The following NAPG variants were observed in gnomAD, a reference collection of about 807,000 sequenced individuals.
NAPG encodes NSF attachment protein gamma, also known as gamma-soluble NSF attachment protein.
In NAPG, 25 loss-of-function variants were observed where a neutral mutation model predicts 48.4. The ratio of observed to expected loss-of-function variants is 0.52; its 90% confidence interval spans 0.38 to 0.72. The LOEUF (loss-of-function observed/expected upper bound fraction) is 0.72. Ranked by LOEUF, NAPG falls within the 30% of genes least tolerant of loss-of-function variation. The probability of loss-of-function intolerance (pLI) is 0.00; values close to 1 mark genes in which losing one functional copy is unlikely to be tolerated. For synonymous variants in NAPG, 139 were observed against 127.2 expected (o/e 1.09, Z -0.62); for missense variants, 359 against 372.5 (o/e 0.96, Z 0.30).
chr18:10,530,308 T>A (rs2031904152), intron 1 of NAPG, among the ~76,000 whole-genome samples: 1 of 150,332 alleles, frequency 6.7e-6, no homozygotes, highest in African/African-American at 2.4e-5. Flanking sequence ...TGATCTCATC[T>A]ATGCTCTTGA....
In NAPG at chr18:10,539,109, A is replaced by G. The variant is rs916213198; in HGVS notation, c.259-653A>G. 3 of 152,278 alleles carry G rather than the reference A, an allele frequency of 2.0e-5. No homozygotes were observed. The highest frequency in any genetic ancestry group is 7.2e-5 in the African/African-American group (3 of 41,470). 9.4% of individuals were successfully genotyped at this position (152,278 alleles called of 1,614,324 possible). A position where few individuals can be genotyped will look rare whatever the true frequency, so the allele number is the denominator to read the frequency against. On this transcript the variant is annotated intron_variant, in intron 5 of 11. Transcript: ENST00000322897. The surrounding 1 kb of genome is among the most constrained non-coding windows in gnomAD (Gnocchi z 4.7). Reference sequence around the variant, plus strand: ...CAGTGTGGGGATTCCTCAAGGATCTAGAACCAGAAATACCATTTGACCCAG... The same window carrying G: ...CAGTGTGGGGATTCCTCAAGGATCTGGAACCAGAAATACCATTTGACCCAG...
Position 10,543,599 on chromosome 18 carries a change from A to G in NAPG, c.507-2727A>G, listed in dbSNP as rs2032201785. Among the ~76,000 whole-genome samples, 1 of 152,242 alleles carries G rather than the reference A, an allele frequency of 6.6e-6. No individual in the cohort carries two copies. Among genetic ancestry groups the G allele is most frequent in the East Asian group, 1.9e-4 (1 of 5,206 alleles). On this transcript the variant is annotated intron_variant, in intron 8 of 11. Coordinates refer to ENST00000322897, the MANE Select transcript of NAPG (RefSeq NM_003826.3). This position sits in a 1 kb window ranked among gnomAD's most constrained non-coding sequence, Gnocchi z 4.4. ...AGAGGAACAGTTTGAGTTGTGGTGT[A>G]GAAGGTGTCTGTTGAAAGCTTGGGG...
chr18:10,533,005 C>T, intron 3 of NAPG: 1 of 454,472 alleles, frequency 2.2e-6, no homozygotes, highest in Non-Finnish European at 3.9e-6. Flanking sequence ...AGCTACAATA[C>T]TTACTTTCTA....
In NAPG at chr18:10,549,026, A is replaced by G; in HGVS notation, c.725A>G (p.Tyr242Cys). Residue 242 changes from tyrosine to cysteine, a missense_variant, in exon 11 of 12, where the codon TAT becomes TGT. By Grantham distance (194) the Tyr-to-Cys change is radical (BLOSUM62 -2). Transcript: ENST00000322897. ...CAALEQLLEG[Y>C]DQQDQDQVSD... is the part of the protein sequence containing the mutation. Reference sequence around the variant, plus strand: ...GCCCTGGAACAGCTTCTTGAAGGTTATGACCAGCAAGACCAAGATCAGGTG... The same window carrying G: ...GCCCTGGAACAGCTTCTTGAAGGTTGTGACCAGCAAGACCAAGATCAGGTG... The G allele has an allele frequency of 1.2e-6, 2 of 1,613,980 alleles. No individual in the cohort carries two copies. Among genetic ancestry groups the G allele is most frequent in the South Asian group, 2.2e-5 (2 of 91,082 alleles).
intron 5 of NAPG, among the ~76,000 whole-genome samples, chr18:10,537,471 TGAGGAGGAGGAA>T (rs1304787933): frequency 3.9e-5 from 6 of 152,114 alleles, no homozygotes; most frequent in Non-Finnish European, 7.4e-5. Flanking sequence ...ACGTTTGGGC[TGAGGAGGAGGAA>T]GAGGAGGAGG....
rs899851487 is a variant in NAPG at position 10,542,454 on chromosome 18, A to G, written c.506+2055A>G. On this transcript the variant is annotated intron_variant, in intron 8 of 11. Transcript: ENST00000322897. The surrounding 1 kb of genome is among the most constrained non-coding windows in gnomAD (Gnocchi z 4.5). ...TGGTACTTCTATTGGGAACTTAAAT[A>G]GTGCAGGATAAGAAAAAACATGCAG... Among the ~76,000 whole-genome samples, 4 of 152,216 alleles carry G rather than the reference A, an allele frequency of 2.6e-5. No homozygotes were observed. The highest frequency in any genetic ancestry group is 5.9e-5 in the Non-Finnish European group (4 of 68,028).
At chr18:10,532,165 G>A (rs532933337) in intron 2 of NAPG, among the ~76,000 whole-genome samples, 41 of 152,130 alleles carry the variant, frequency 2.7e-4, no homozygotes, top group Non-Finnish European at 4.9e-4. Flanking sequence ...TTAGCTGTTT[G>A]AACAGTGAGA....
intron 7 of NAPG, 73 bp from the exon 8 acceptor site, chr18:10,540,256 A>C (rs1297297718): frequency 1.7e-5 from 24 of 1,383,336 alleles, no homozygotes; most frequent in Non-Finnish European, 2.1e-5. Context: ...ACTTCTTTAC[A>C]AAATAAATAT....
In NAPG at chr18:10,533,142, T is replaced by A. The variant is rs2031964549; in HGVS notation, c.209+347T>A. The A allele has an allele frequency of 1.2e-5, 3 of 257,228 alleles. No homozygotes were observed. The Admixed American group carries it at 1.5e-4, about 13-fold the overall frequency. 15.9% of individuals were successfully genotyped at this position (257,228 alleles called of 1,614,324 possible). ...ACGTGAACTACTGTATCAATTTTTT[T>A]AAATACAGTTTTCCTTAGGTATTTG... On this transcript the variant is annotated intron_variant, in intron 3 of 11. Transcript: ENST00000322897.
rs558252227 is a variant in NAPG, at chr18:10,545,000, A to G, written c.507-1326A>G. Among the ~76,000 whole-genome samples, 132 of 152,240 alleles carry G rather than the reference A, an allele frequency of 8.7e-4. No individual in the cohort carries two copies. Among genetic ancestry groups the G allele is most frequent in the African/African-American group, 3.1e-3 (128 of 41,540 alleles). ...GGTGTGTGTGTGTGTCTGTGTATAC[A>G]TGCCACTATTTTTAAAAAGATAACA... is the stretch of plus-strand genomic sequence containing the variant. On this transcript the variant is annotated intron_variant, in intron 8 of 11. Coordinates refer to ENST00000322897, the MANE Select transcript of NAPG (RefSeq NM_003826.3). This position sits in a 1 kb window ranked among gnomAD's most constrained non-coding sequence, Gnocchi z 5.1.
intron 5 of NAPG, among the ~76,000 whole-genome samples, chr18:10,536,001 A>G (rs1266540125): frequency 6.6e-6 from 1 of 152,122 alleles, no homozygotes; most frequent in Non-Finnish European, 1.5e-5. Context: ...AGAATTAGGA[A>G]GCTCCCAGGT....
In NAPG at chr18:10,539,967, A is replaced by G. The variant is rs776702439; in HGVS notation, c.369-21A>G. 3.2e-5 allele frequency: 51 copies of G among 1,606,914 alleles called. No individual in the cohort carries two copies. In the Admixed American group the frequency reaches 3.7e-4, roughly 12 times the overall value. On this transcript the variant is annotated intron_variant, in intron 6 of 11. Coordinates refer to ENST00000322897, the MANE Select transcript of NAPG (RefSeq NM_003826.3). The surrounding 1 kb of genome is among the most constrained non-coding windows in gnomAD (Gnocchi z 4.7). Reference sequence around the variant, plus strand: ...AAGTTTTCCATTTCTCATATAAGACATGTTTTCTTGTCTGATTCAGGCTTA... The same window carrying G: ...AAGTTTTCCATTTCTCATATAAGACGTGTTTTCTTGTCTGATTCAGGCTTA...
chr18:10,549,741 T>C (rs2032346222), intron 11 of NAPG, among the ~76,000 whole-genome samples: 1 of 152,214 alleles, frequency 6.6e-6, no homozygotes, highest in South Asian at 2.1e-4. Flanking sequence ...ATCATCATAG[T>C]ATCAGATCAA....
rs759813714 is a variant in NAPG at position 10,549,099 on chromosome 18, A to G, written c.795+3A>G. 5.0e-6 allele frequency: 8 copies of G among 1,610,916 alleles called. No individual in the cohort carries two copies. The highest frequency in any genetic ancestry group is 6.8e-6 in the Non-Finnish European group (8 of 1,177,954). On this transcript the variant is annotated splice_donor_region_variant and intron_variant, in intron 11 of 11. Coordinates refer to ENST00000322897, the MANE Select transcript of NAPG (RefSeq NM_003826.3). ...TTTTCAAGTACATGGACAATGATGT[A>G]AGTGGACCCATTTGCATAGCTTTCA... is the stretch of plus-strand genomic sequence containing the variant.
rs2032202551 is a variant in NAPG, at chr18:10,543,643, C to G, written c.507-2683C>G. On this transcript the variant is annotated intron_variant, in intron 8 of 11. Transcript: ENST00000322897. The surrounding 1 kb of genome is among the most constrained non-coding windows in gnomAD (Gnocchi z 4.4). ...CTTGGGGATGAATGAGGTTCTGTGA[C>G]AGTTTTCTGCCATTTGCACATAACT... 6.6e-6 allele frequency among the ~76,000 whole-genome samples: 1 copy of G among 152,174 alleles called. No individual in the cohort carries two copies. Among genetic ancestry groups the G allele is most frequent in the African/African-American group, 2.4e-5 (1 of 41,436 alleles).
intron 8 of NAPG, among the ~76,000 whole-genome samples, chr18:10,545,069 T>G (rs1411906469): frequency 6.6e-6 from 1 of 152,102 alleles, no homozygotes; most frequent in Non-Finnish European, 1.5e-5. Flanking sequence ...CCCAGCACTT[T>G]GGGGGGCTGA....
chr18:10,539,977 G>T lies in NAPG; in HGVS notation c.369-11G>T. ...TTTCTCATATAAGACATGTTTTCTT[G>T]TCTGATTCAGGCTTATAGAAAATGT... On this transcript the variant is annotated splice_polypyrimidine_tract_variant and intron_variant, in intron 6 of 11. Coordinates refer to ENST00000322897, the MANE Select transcript of NAPG (RefSeq NM_003826.3). This position sits in a 1 kb window ranked among gnomAD's most constrained non-coding sequence, Gnocchi z 4.7. 1 of 1,604,976 alleles carries T rather than the reference G, an allele frequency of 6.2e-7. No homozygotes were observed. Among genetic ancestry groups the T allele is most frequent in the Non-Finnish European group, 8.5e-7 (1 of 1,175,024 alleles).
At position 10,544,865 on chromosome 18, in the gene NAPG, A is replaced by G. The variant is rs551301875; in HGVS notation, c.507-1461A>G. On this transcript the variant is annotated intron_variant, in intron 8 of 11. Transcript: ENST00000322897. The surrounding 1 kb of genome is among the most constrained non-coding windows in gnomAD (Gnocchi z 5.1). ...TGGAAATTCAGAATGCATTTCTCCTATGAGTGTCATTTTATAAGGCACTAA... is the reference window on the plus strand; with the variant it reads ...TGGAAATTCAGAATGCATTTCTCCTGTGAGTGTCATTTTATAAGGCACTAA... Among the ~76,000 whole-genome samples, 1 of 152,334 alleles carries G rather than the reference A, an allele frequency of 6.6e-6. No individual in the cohort carries two copies. The highest frequency in any genetic ancestry group is 2.4e-5 in the African/African-American group (1 of 41,576).
Position 10,526,095 on chromosome 18 carries a change from C to G in NAPG, c.-8C>G. ...CCCTCTCTCCACGTCAGAGACCTGA[C>G]TGTGGAGATGGCGGCTCAGAAGATA... On this transcript the variant is annotated 5_prime_UTR_variant, in exon 1 of 12. Transcript: ENST00000322897. 7 of 1,612,928 alleles carry G rather than the reference C, an allele frequency of 4.3e-6. No individual in the cohort carries two copies. Among genetic ancestry groups the G allele is most frequent in the Non-Finnish European group, 5.9e-6 (7 of 1,179,004 alleles).
Sources: gnomAD v4.1 joint callset for allele counts (sites outside exome capture counted in the v4.1 genomes callset) on GRCh38, gnomAD v4.1.1 for gene constraint, Gnocchi (gnomAD v3.1) non-coding constraint, MANE v1.5 for transcripts, NCBI Gene and HGNC (gene_info 2026-07-23, HGNC 2026-07-21) for gene names.